The following LPP variants were observed in gnomAD, a reference collection of about 807,000 sequenced individuals.
LPP encodes LIM domain containing preferred translocation partner in lipoma.
In LPP, 38 loss-of-function variants were observed where a neutral mutation model predicts 60.4. The observed-to-expected ratio is 0.63, with a 90% CI of 0.49 to 0.83. LPP has a LOEUF of 0.83. Ranked by LOEUF, LPP falls within the 40% of genes least tolerant of loss-of-function variation. LPP has a pLI of 0.00. For synonymous variants in LPP, 328 were observed against 290.8 expected (o/e 1.13, Z -1.30); for missense variants, 902 against 783.6 (o/e 1.15, Z -1.80).
chr3:188,750,169 C>T (rs951938195), intron 8 of LPP, among the ~76,000 whole-genome samples: 28 of 152,164 alleles, frequency 1.8e-4, no homozygotes, highest in Non-Finnish European at 3.4e-4. Context: ...AGGGCTTTAT[C>T]CCATTCATGA....
In LPP at chr3:188,311,222, C is replaced by T. The variant is rs147744741; in HGVS notation, c.-66-30441C>T. ...TCTCTCTCTGTCTACTGTCAAATCCCGGCACTATGGGAGTCTGCAGTGGGA... is the reference window on the plus strand; with the variant it reads ...TCTCTCTCTGTCTACTGTCAAATCCTGGCACTATGGGAGTCTGCAGTGGGA... On this transcript the variant is annotated intron_variant, in intron 2 of 11. Transcript: ENST00000617246. 6.3e-4 allele frequency among the ~76,000 whole-genome samples: 95 copies of T among 151,906 alleles called. 1 individual carries two copies. Among genetic ancestry groups the T allele is most frequent in the African/African-American group, 2.0e-3 (84 of 41,390 alleles).
chr3:188,322,989 G>A (rs1757380199), intron 2 of LPP, among the ~76,000 whole-genome samples: 2 of 152,168 alleles, frequency 1.3e-5, no homozygotes, highest in Non-Finnish European at 2.9e-5. Context: ...GGGGAAAAGG[G>A]CATTAGAGTG....
At chr3:188,394,580 G>GTGTA (rs1157148138) in intron 3 of LPP, among the ~76,000 whole-genome samples, 3 of 151,550 alleles carry the variant, frequency 2.0e-5, no homozygotes, top group Admixed American at 2.0e-4. Context: ...GTGTGTGTGT[G>GTGTA]TGTATGTATT....
At chr3:188,492,562 C>T (rs978938030) in intron 5 of LPP, among the ~76,000 whole-genome samples, 8 of 151,850 alleles carry the variant, frequency 5.3e-5, no homozygotes, top group Admixed American at 1.3e-4. Context: ...TCTGTGTGGT[C>T]GTGTGTGCCT....
At chr3:188,801,536 GCC>G (rs1747276610) in intron 9 of LPP, among the ~76,000 whole-genome samples, 1 of 152,030 alleles carries the variant, frequency 6.6e-6, no homozygotes, top group South Asian at 2.1e-4. Context: ...CTGACTCAAG[GCC>G]CAGCAAGAAT....
chr3:188,788,378 A>T (rs1225425773), intron 9 of LPP, among the ~76,000 whole-genome samples: 1 of 152,144 alleles, frequency 6.6e-6, no homozygotes, highest in African/African-American at 2.4e-5. Flanking sequence ...TAGCTTTCCC[A>T]TCTCCATCCC....
chr3:188,364,995 G>T (rs1336379150), intron 3 of LPP, among the ~76,000 whole-genome samples: 2 of 152,166 alleles, frequency 1.3e-5, no homozygotes, highest in African/African-American at 4.8e-5. Context: ...GCAAGTGTTG[G>T]ATGTCTGTAG....
At chr3:188,681,801 C>A (rs1172352719) in intron 7 of LPP, among the ~76,000 whole-genome samples, 1 of 152,134 alleles carries the variant, frequency 6.6e-6, no homozygotes, top group Non-Finnish European at 1.5e-5. Context: ...TCTATTTTCA[C>A]CACTATCCTG....
At chr3:188,555,496 A>G (rs796222132) in intron 6 of LPP, among the ~76,000 whole-genome samples, 10 of 152,180 alleles carry the variant, frequency 6.6e-5, no homozygotes, top group African/African-American at 2.2e-4. Flanking sequence ...TGGGGAGGGG[A>G]TAAGAAGTAG....
intron 7 of LPP, among the ~76,000 whole-genome samples, chr3:188,698,777 G>A (rs1213818082): frequency 1.3e-5 from 2 of 152,206 alleles, no homozygotes; most frequent in Admixed American, 6.5e-5. Flanking sequence ...TCCTAAAGGC[G>A]AGACTGTACA....
At chr3:188,407,784 G>GTTTTTTTTTTTTT (rs1397646143) in intron 4 of LPP, among the ~76,000 whole-genome samples, 1 of 114,824 alleles carries the variant, frequency 8.7e-6, no homozygotes, top group Non-Finnish European at 1.6e-5. Flanking sequence ...TTTTTTGTTT[G>GTTTTTTTTTTTTT]TTTGTTTTTT....
intron 9 of LPP, among the ~76,000 whole-genome samples, chr3:188,840,152 C>A (rs2151719745): frequency 6.6e-6 from 1 of 152,154 alleles, no homozygotes; most frequent in East Asian, 1.9e-4. Context: ...CTATTCCTTC[C>A]TTTTCCAAGA....
At position 188,434,376 on chromosome 3, in the gene LPP, T is replaced by A. The variant is rs192834263; in HGVS notation, c.193+28063T>A. Among the ~76,000 whole-genome samples, 314 of 152,296 alleles carry A rather than the reference T, an allele frequency of 2.1e-3. 4 individuals carry two copies. Among genetic ancestry groups the A allele is most frequent in the Middle Eastern group, 0.014 (4 of 294 alleles). On this transcript the variant is annotated intron_variant, in intron 4 of 11. Coordinates refer to ENST00000617246, the MANE Select transcript of LPP (RefSeq NM_001375462.1). ...ACTAATGTTTTCTATTCAATTTCATTACAAAAATTCTTTTGGATACCTGCT... is the reference window on the plus strand; with the variant it reads ...ACTAATGTTTTCTATTCAATTTCATAACAAAAATTCTTTTGGATACCTGCT...
intron 1 of LPP, among the ~76,000 whole-genome samples, chr3:188,206,145 C>T (rs986247153): frequency 6.6e-6 from 1 of 152,144 alleles, no homozygotes; most frequent in Admixed American, 6.5e-5. Context: ...GACACACCTC[C>T]TTTAATTCAA....
At chr3:188,541,672 G>A (rs1033616524) in intron 6 of LPP, among the ~76,000 whole-genome samples, 25 of 152,020 alleles carry the variant, frequency 1.6e-4, no homozygotes, top group African/African-American at 5.3e-4. Context: ...TGGGAAGGGC[G>A]GATCACCTGA....
At chr3:188,745,766 G>A (rs372090522) in intron 8 of LPP, among the ~76,000 whole-genome samples, 34 of 152,220 alleles carry the variant, frequency 2.2e-4, no homozygotes, top group African/African-American at 6.7e-4. Context: ...ACTCCCCTTC[G>A]TTCTCCTTCC....
intron 5 of LPP, among the ~76,000 whole-genome samples, chr3:188,495,607 G>T (rs1054005997): frequency 6.6e-6 from 1 of 152,090 alleles, no homozygotes; most frequent in Non-Finnish European, 1.5e-5. Flanking sequence ...ATGAACCTCC[G>T]AGGTAGTTTT....
At chr3:188,758,399 G>A (rs1412150731) in intron 8 of LPP, among the ~76,000 whole-genome samples, 2 of 152,090 alleles carry the variant, frequency 1.3e-5, no homozygotes, top group Non-Finnish European at 2.9e-5. Flanking sequence ...GACCTCAGGT[G>A]ATCCACCCAC....
intron 9 of LPP, among the ~76,000 whole-genome samples, chr3:188,848,169 G>A (rs2151824287): frequency 6.6e-6 from 1 of 152,312 alleles, no homozygotes; most frequent in African/African-American, 2.4e-5. Context: ...TGAGATTTAT[G>A]ATCTTATCTA....
Sources: allele counts gnomAD v4.1 joint callset (sites outside exome capture counted in the v4.1 genomes callset), GRCh38; gene constraint gnomAD v4.1.1; transcripts MANE v1.5; gene names NCBI Gene and HGNC (gene_info 2026-07-23, HGNC 2026-07-21).